The following SEC14L1 variants were observed in gnomAD, a reference collection of about 807,000 sequenced individuals.
SEC14L1 encodes SEC14 like lipid binding 1, also known as SEC14-like protein 1.
In SEC14L1, 48 loss-of-function variants were observed where a neutral mutation model predicts 85.3. The ratio of observed to expected loss-of-function variants is 0.56; its 90% CI spans 0.45 to 0.72. SEC14L1 has a LOEUF of 0.72. Among genes scored for constraint, SEC14L1 ranks in the 30% least tolerant of loss-of-function variants. The probability of loss-of-function intolerance (pLI) is 0.00; values close to 1 mark genes in which losing one functional copy is unlikely to be tolerated. For missense variants in SEC14L1, 682 were observed against 921.4 expected, an observed-to-expected ratio of 0.74 and a Z score of 3.36; for synonymous variants, 391 against 355.5, an observed-to-expected ratio of 1.10 and a Z score of -1.12.
intron 3 of SEC14L1, among the ~76,000 whole-genome samples, chr17:77,161,373 G>T (rs1199668083): frequency 6.6e-6 from 1 of 152,170 alleles, no homozygotes; most frequent in Non-Finnish European, 1.5e-5. Context: ...TGTAATCCCA[G>T]CTCCTGGGGC....
At position 77,212,304 on chromosome 17, in the gene SEC14L1, A is replaced by G. The variant is rs879808794; in HGVS notation, c.1863+103A>G. On this transcript the variant is annotated intron_variant, in intron 15 of 16. Transcript: ENST00000436233. ...CTTCGCTCCTTGAGCAGCCCTGTGT[A>G]GCTTTTGAGGCCCTGCTTGTGGAGG... The G allele has an allele frequency of 1.5e-4, 216 of 1,484,732 alleles. 1 individual carries two copies. The highest frequency in any genetic ancestry group is 1.9e-4 in the Non-Finnish European group (210 of 1,101,958). 92.0% of individuals were successfully genotyped at this position (1,484,732 alleles called of 1,614,324 possible). A position where few individuals can be genotyped will look rare whatever the true frequency, so the allele number is the denominator to read the frequency against.
Position 77,133,242 on chromosome 17 carries a change from C to A in SEC14L1, c.-135-9404C>A, listed in dbSNP as rs532898046. On this transcript the variant is annotated intron_variant, in intron 3 of 19. Coordinates refer to the SEC14L1 transcript ENST00000392476. ...TAGAGAAGAGGTTGAGCTCTGGAGG[C>A]CGAAATTTCAGTGACTCCTGATATT... Among the ~76,000 whole-genome samples, 5 of 152,234 alleles carry A rather than the reference C, an allele frequency of 3.3e-5. No homozygotes were observed. The South Asian group carries it at 1.0e-3, about 32-fold the overall frequency.
At position 77,214,035 on chromosome 17, in the gene SEC14L1, C is replaced by G. The variant is rs199984617; in HGVS notation, c.*12C>G. 4.8e-5 allele frequency: 78 copies of G among 1,610,830 alleles called. No homozygotes were observed. In the African/African-American group the frequency reaches 1.0e-3, roughly 21 times the overall value. On this transcript the variant is annotated 3_prime_UTR_variant, in exon 17 of 17. Transcript: ENST00000436233. ...TGATCTCCAGGTAGTGCCGCGCTGC[C>G]TGCACCTAGTGTGCAGAGGGGACGG...
chr17:77,183,419 C>T (rs1054177028), intron 3 of SEC14L1, among the ~76,000 whole-genome samples: 3 of 152,174 alleles, frequency 2.0e-5, no homozygotes, highest in African/African-American at 7.2e-5. Flanking sequence ...GACACTTTAC[C>T]CCTACATACT....
intron 3 of SEC14L1, among the ~76,000 whole-genome samples, chr17:77,174,680 G>A (rs535095889): frequency 1.3e-5 from 2 of 152,210 alleles, no homozygotes; most frequent in South Asian, 4.1e-4. Flanking sequence ...CTCCTCACGA[G>A]TGAGGACTGG....
upstream of SEC14L1, among the ~76,000 whole-genome samples, chr17:77,136,986 C>T (rs909922813): frequency 6.6e-6 from 1 of 151,558 alleles, no homozygotes; most frequent in Admixed American, 6.6e-5. Flanking sequence ...CTCGGCTCAC[C>T]GCAACCTCTG....
chr17:77,179,968 C>T (rs112038470), intron 3 of SEC14L1, among the ~76,000 whole-genome samples: 22,442 of 151,884 alleles, frequency 0.15, 1,987 homozygotes, highest in Middle Eastern at 0.21. Flanking sequence ...TGAGCCGCCG[C>T]GCCTGGCCTA....
intron 3 of SEC14L1, among the ~76,000 whole-genome samples, chr17:77,105,167 T>C (rs1424969810): frequency 6.6e-6 from 1 of 152,090 alleles, no homozygotes; most frequent in Non-Finnish European, 1.5e-5. Flanking sequence ...GGGAGGCAGG[T>C]TGGCCCTAAG....
intron 3 of SEC14L1, among the ~76,000 whole-genome samples, chr17:77,147,706 C>G (rs2143547500): frequency 6.6e-6 from 1 of 152,326 alleles, no homozygotes. Flanking sequence ...GAAATCAAAA[C>G]TTCTTGGCCA....
chr17:77,179,249 C>T lies in SEC14L1; in HGVS notation c.64-11554C>T, dbSNP rs190771067. On this transcript the variant is annotated intron_variant, in intron 3 of 16. Transcript: ENST00000436233. ...TAAACATAGCTGCTTTATACCATTG[C>T]GTGGTAAACTGTGAAGGCAGGCATT... is the stretch of plus-strand genomic sequence containing the variant. 1.2e-4 allele frequency among the ~76,000 whole-genome samples: 19 copies of T among 152,188 alleles called. No homozygotes were observed. In the East Asian group the frequency reaches 2.3e-3, roughly 19 times the overall value.
At chr17:77,088,834 G>A (rs1295861814) in exon 1 of SEC14L1, 1 of 153,380 alleles carries the variant, frequency 6.5e-6, no homozygotes, top group Admixed American at 6.5e-5. Flanking sequence ...GGCTCGCCCC[G>A]GGACGATAAC....
At chr17:77,137,830 A>G (rs753345082), upstream of SEC14L1, among the ~76,000 whole-genome samples, 6 of 152,240 alleles carry the variant, frequency 3.9e-5, no homozygotes, top group Non-Finnish European at 5.9e-5. Context: ...CCTTCTCTGG[A>G]TAACAGTATA....
intron 3 of SEC14L1, among the ~76,000 whole-genome samples, chr17:77,099,809 CT>C (rs1214224682): frequency 6.6e-6 from 1 of 152,084 alleles, no homozygotes; most frequent in Non-Finnish European, 1.5e-5. Context: ...AATGTACTGT[CT>C]TTGTTCCAAG....
At chr17:77,152,134 G>A (rs2143574832) in intron 3 of SEC14L1, among the ~76,000 whole-genome samples, 1 of 152,262 alleles carries the variant, frequency 6.6e-6, no homozygotes. Context: ...CACCATGCCA[G>A]CTAATTTTTC....
chr17:77,174,688 T>G (rs532537223), intron 3 of SEC14L1, among the ~76,000 whole-genome samples: 1 of 152,282 alleles, frequency 6.6e-6, no homozygotes, highest in Admixed American at 6.5e-5. Flanking sequence ...GAGTGAGGAC[T>G]GGAGACCCTT....
intron 3 of SEC14L1, chr17:77,145,061 C>G (rs1050633339): frequency 4.0e-5 from 6 of 151,822 alleles, no homozygotes; most frequent in African/African-American, 1.2e-4. Flanking sequence ...GGTGCCTGCC[C>G]CCGCACCTGG....
At position 77,107,732 on chromosome 17, in the gene SEC14L1, G is replaced by T. The variant is rs138383634; in HGVS notation, c.-136+14385G>T. Among the ~76,000 whole-genome samples the T allele has an allele frequency of 7.2e-4, 110 of 152,244 alleles. 1 individual carries two copies. The highest frequency in any genetic ancestry group is 3.4e-3 in the Middle Eastern group (1 of 292). Reference sequence around the variant, plus strand: ...TTGACTTTCTTGCAACAACAGCAAAGGCTTCTCCACAGTGGCGTTCTAAAG... The same window carrying T: ...TTGACTTTCTTGCAACAACAGCAAATGCTTCTCCACAGTGGCGTTCTAAAG... On this transcript the variant is annotated intron_variant, in intron 3 of 19. Transcript: ENST00000392476.
chr17:77,158,488 C>T (rs1020717165), intron 3 of SEC14L1, among the ~76,000 whole-genome samples: 1 of 152,126 alleles, frequency 6.6e-6, no homozygotes, highest in African/African-American at 2.4e-5. Context: ...CTAATGTCTT[C>T]AAGGTTCACC....
At chr17:77,089,403 G>C (rs866770663) in intron 2 of SEC14L1, 1 of 519,072 alleles carries the variant, frequency 1.9e-6, no homozygotes, top group Middle Eastern at 3.2e-4. Context: ...TAAATTCCCG[G>C]AAGAAGTCTT....
Sources: allele counts gnomAD v4.1 joint callset (sites outside exome capture counted in the v4.1 genomes callset), GRCh38; gene constraint gnomAD v4.1.1; transcripts MANE v1.5; gene names NCBI Gene and HGNC (gene_info 2026-07-23, HGNC 2026-07-21).